Variants in CENPE observed in about 807,000 individuals in gnomAD.
The protein encoded by CENPE is centromere-associated protein E.
CENPE carries 145 observed loss-of-function variants against 336.1 expected under a neutral mutation model. The ratio of observed to expected loss-of-function variants is 0.43; its 90% confidence interval spans 0.38 to 0.50. The LOEUF is 0.50. Ranked by LOEUF, CENPE falls within the 20% of genes least tolerant of loss-of-function variation. The pLI is 0.00. For missense variants in CENPE, 2,719 were observed against 3,023.3 expected (o/e 0.90, Z 2.36); for synonymous variants, 1,013 against 984.8 (o/e 1.03, Z -0.54).
chr4:103,191,903 G>A (rs996372785), intron 8 of CENPE, among the ~76,000 whole-genome samples: 3 of 151,998 alleles, frequency 2.0e-5, no homozygotes, highest in Admixed American at 6.6e-5. Flanking sequence ...ACTGGGTGGA[G>A]GATGGATTGG....
At position 103,177,039 on chromosome 4, in the gene CENPE, C is replaced by G; in HGVS notation, c.1250G>C (p.Arg417Thr). ...AAGGCACCAAGTAACTCTTCGTTTT[C>G]TTTTAGCCTAAAGAAGAAGAAATCA... ...LTLQQELKAK[R>T]KRRVTWCLGK... Residue 417 changes from arginine (R) to threonine (T), a missense_variant, in exon 14 of 49, where the codon AGA becomes ACA. Coordinates refer to ENST00000265148, the MANE Select transcript of CENPE (RefSeq NM_001813.3). 1 of 1,605,030 alleles carries G rather than the reference C, an allele frequency of 6.2e-7. No individual in the cohort carries two copies. Among genetic ancestry groups the G allele is most frequent in the South Asian group, 1.1e-5 (1 of 89,424 alleles).
intron 8 of CENPE, among the ~76,000 whole-genome samples, chr4:103,191,801 AT>A (rs1256879601): frequency 3.3e-5 from 5 of 152,178 alleles, no homozygotes; most frequent in Non-Finnish European, 7.3e-5. Context: ...TAATAAAAAA[AT>A]AAATAAAAAT....
At chr4:103,163,283 A>G in intron 17 of CENPE, 27 bp from the exon 18 acceptor site, 1 of 1,585,660 alleles carries the variant, frequency 6.3e-7, no homozygotes, top group Non-Finnish European at 8.6e-7. Flanking sequence ...AGAGAGTAAC[A>G]ATTTAGAATC....
chr4:103,110,937 T>C lies in CENPE; in HGVS notation c.7615A>G (p.Asn2539Asp), dbSNP rs116210170. The change falls in exon 47 of 49, where the codon AAC becomes GAC. Residue 2539 changes from asparagine (N) to aspartate (D), a missense_variant. By Grantham distance (23) the Asn-to-Asp change is conservative (BLOSUM62 1). This residue lies in a region of CENPE where 2,437 missense variants were observed against 2,513.3 expected (regional missense o/e 0.97). Coordinates refer to ENST00000265148, the MANE Select transcript of CENPE (RefSeq NM_001813.3). ...TCGGGSGIVQ[N>D]TKALILKSEH... ...CTTTTCAAAATAAGAGCTTTTGTGT[T>C]TTGTACAATGCCGCTGCCACCTCCA... 8.1e-6 allele frequency: 13 copies of C among 1,613,044 alleles called. No homozygotes were observed. In the East Asian group the frequency reaches 2.5e-4, roughly 30 times the overall value.
chr4:103,143,209 CA>C (rs1359927148), intron 34 of CENPE, 38 bp downstream of exon 34: 15 of 1,463,948 alleles, frequency 1.0e-5, no homozygotes, highest in Non-Finnish European at 1.4e-5. Flanking sequence ...AAGTTTGATT[CA>C]AACTCTCAGT....
chr4:103,195,255 A>G (rs1034978307), intron 4 of CENPE, 22 bp from the exon 5 acceptor site: 1 of 1,562,220 alleles, frequency 6.4e-7, no homozygotes, highest in Non-Finnish European at 8.6e-7. Context: ...AAAATTATAT[A>G]AAAACACCAG....
chr4:103,154,648 G>A (rs551376813), intron 24 of CENPE, among the ~76,000 whole-genome samples: 2 of 152,164 alleles, frequency 1.3e-5, no homozygotes, highest in Admixed American at 1.3e-4. Context: ...AAAATTTTCT[G>A]TAATGATAGC....
intron 16 of CENPE, among the ~76,000 whole-genome samples, chr4:103,168,628 G>T (rs1755129191): frequency 1.3e-5 from 2 of 152,162 alleles, no homozygotes; most frequent in Admixed American, 1.3e-4. Context: ...CCCAGCCGGG[G>T]TCCTACCGGG....
chr4:103,122,759 C>T (rs1368574934), intron 43 of CENPE, 112 bp downstream of exon 43: 3 of 759,892 alleles, frequency 3.9e-6, no homozygotes, highest in African/African-American at 3.5e-5. Context: ...TCAAGCCCAT[C>T]ACTTACAAAA....
chr4:103,178,993 C>CA (rs1191985761), intron 13 of CENPE, among the ~76,000 whole-genome samples: 1 of 152,204 alleles, frequency 6.6e-6, no homozygotes, highest in African/African-American at 2.4e-5. Context: ...AACAGCCTGA[C>CA]ATCTCAAACA....
intron 16 of CENPE, among the ~76,000 whole-genome samples, chr4:103,166,973 C>T (rs1288103439): frequency 1.3e-5 from 2 of 152,048 alleles, no homozygotes; most frequent in East Asian, 1.9e-4. Flanking sequence ...GTTCTCTTAA[C>T]GTGTAGCCTA....
intron 8 of CENPE, among the ~76,000 whole-genome samples, chr4:103,191,586 G>T (rs1397978769): frequency 6.7e-6 from 1 of 148,798 alleles, no homozygotes; most frequent in East Asian, 2.0e-4. Flanking sequence ...CTCATAGGTT[G>T]GAACTGAACA....
chr4:103,144,213 G>A (rs571416729), intron 33 of CENPE, 118 bp downstream of exon 33: 23 of 772,520 alleles, frequency 3.0e-5, no homozygotes, highest in South Asian at 7.9e-5. Context: ...TGGGATTACC[G>A]GCTCGAGCCA....
At chr4:103,187,316 C>T (rs1257184450) in intron 8 of CENPE, among the ~76,000 whole-genome samples, 1 of 152,098 alleles carries the variant, frequency 6.6e-6, no homozygotes, top group Non-Finnish European at 1.5e-5. Context: ...AGATACTCCT[C>T]AAGAAGAGCA....
chr4:103,146,491 A>C (rs1048145006), intron 29 of CENPE, among the ~76,000 whole-genome samples: 9 of 152,210 alleles, frequency 5.9e-5, no homozygotes, highest in African/African-American at 1.7e-4. Context: ...TAGAGGAGAA[A>C]GCTTTAACTG....
rs572298295 is a variant in CENPE, at chr4:103,190,748, C to A, written c.693+3481G>T. Among the ~76,000 whole-genome samples the A allele has an allele frequency of 4.6e-5, 7 of 152,182 alleles. No individual in the cohort carries two copies. In the East Asian group the frequency reaches 1.4e-3, roughly 29 times the overall value. The stretch of plus-strand genomic sequence containing the variant: ...ATAGGCATGGGCAAGGACTTCATGT[C>A]TAAAACACCAAAAGCAATGACAACA... On this transcript the variant is annotated intron_variant, in intron 8 of 48. Coordinates refer to ENST00000265148, the MANE Select transcript of CENPE (RefSeq NM_001813.3).
rs754135618 is a variant in CENPE, at chr4:103,114,445, T to C, written c.7540+10A>G. 2.0e-6 allele frequency: 3 copies of C among 1,519,822 alleles called. No individual in the cohort carries two copies. Among genetic ancestry groups the C allele is most frequent in the Non-Finnish European group, 2.7e-6 (3 of 1,095,836 alleles). 94.1% of individuals were successfully genotyped at this position (1,519,822 alleles called of 1,614,324 possible). A position where few individuals can be genotyped will look rare whatever the true frequency, so the allele number is the denominator to read the frequency against. On this transcript the variant is annotated intron_variant, in intron 46 of 48. Coordinates refer to ENST00000265148, the MANE Select transcript of CENPE (RefSeq NM_001813.3). ...AATTTCATCTGAAAATATCTGCATT[T>C]TCTACTTACCTGAGGTATCTTGGGC...
At chr4:103,139,255 G>T (rs1752334328) in intron 38 of CENPE, among the ~76,000 whole-genome samples, 1 of 152,118 alleles carries the variant, frequency 6.6e-6, no homozygotes, top group Non-Finnish European at 1.5e-5. Context: ...GATTTTTACA[G>T]ATTTTAATAA....
intron 36 of CENPE, 57 bp from the exon 37 acceptor site, chr4:103,140,471 T>A: frequency 1.7e-6 from 2 of 1,187,258 alleles, no homozygotes; most frequent in Non-Finnish European, 2.3e-6. Flanking sequence ...TTACCTTTAC[T>A]TAATGATTGA....
Sources: gnomAD v4.1 joint callset for allele counts (sites outside exome capture counted in the v4.1 genomes callset) on GRCh38, gnomAD v4.1.1 for gene constraint, gnomAD v4.1.1 regional missense constraint, MANE v1.5 for transcripts, NCBI Gene and HGNC (gene_info 2026-07-23, HGNC 2026-07-21) for gene names.